TMEM181: variants seen among roughly 807,000 people sequenced by gnomAD.
TMEM181 encodes G protein-coupled receptor 178.
TMEM181 carries 39 observed loss-of-function variants against 71.9 expected under a neutral mutation model. That is an observed-to-expected ratio of 0.54 (90% confidence interval 0.42 to 0.71). The LOEUF (loss-of-function observed/expected upper bound fraction) is 0.71. Ranked by LOEUF, TMEM181 falls within the 30% of genes least tolerant of loss-of-function variation. The probability of loss-of-function intolerance (pLI) is 0.00; values close to 1 mark genes in which losing one functional copy is unlikely to be tolerated. For missense variants in TMEM181, 595 were observed against 583.0 expected (o/e 1.02, Z -0.21); for synonymous variants, 245 against 228.8 (o/e 1.07, Z -0.64).
upstream of TMEM181, among the ~76,000 whole-genome samples, chr6:158,558,106 C>T (rs186243724): frequency 3.9e-5 from 6 of 152,204 alleles, no homozygotes; most frequent in African/African-American, 1.4e-4. Flanking sequence ...GAAGGAATTG[C>T]CAGGAGGTAG....
At chr6:158,582,191 C>G (rs189267083) in intron 3 of TMEM181, among the ~76,000 whole-genome samples, 1 of 152,300 alleles carries the variant, frequency 6.6e-6, no homozygotes, top group East Asian at 1.9e-4. Flanking sequence ...GCGTGATGAT[C>G]TGATTTGAGG....
chr6:158,594,255 T>C (rs1018524043), intron 6 of TMEM181, among the ~76,000 whole-genome samples: 10 of 151,944 alleles, frequency 6.6e-5, no homozygotes, highest in Non-Finnish European at 1.3e-4. Flanking sequence ...CGCACCACTA[T>C]GCGTGGCTAA....
Position 158,630,976 on chromosome 6 carries a change from C to T in TMEM181, c.1283-347C>T, listed in dbSNP as rs376962823. 1.1e-4 allele frequency among the ~76,000 whole-genome samples: 17 copies of T among 152,314 alleles called. No homozygotes were observed. In the South Asian group the frequency reaches 1.2e-3, roughly 11 times the overall value. ...GCTCGCTGCACGTCCAAGGACTGGG[C>T]GGGGGCAGGCAGGGCAGAGCCACCT... On this transcript the variant is annotated intron_variant, in intron 15 of 16. Transcript: ENST00000684151.
chr6:158,615,824 G>A (rs894273611), intron 10 of TMEM181, among the ~76,000 whole-genome samples: 4 of 152,184 alleles, frequency 2.6e-5, no homozygotes, highest in Non-Finnish European at 4.4e-5. Context: ...TGAGGGCTCT[G>A]TTCTGTTCCC....
chr6:158,555,536 T>C (rs571243070), upstream of TMEM181, among the ~76,000 whole-genome samples: 221 of 152,372 alleles, frequency 1.5e-3, 1 homozygote, highest in Non-Finnish European at 2.6e-3. Flanking sequence ...ATAGAGAATT[T>C]AGAAGACTCT....
intron 6 of TMEM181, among the ~76,000 whole-genome samples, chr6:158,594,645 T>A (rs1282003294): frequency 6.6e-6 from 1 of 152,222 alleles, no homozygotes; most frequent in Non-Finnish European, 1.5e-5. Context: ...ACTATAAACA[T>A]CTGTATACAA....
intron 3 of TMEM181, among the ~76,000 whole-genome samples, chr6:158,583,542 C>CT (rs1301722232): frequency 6.6e-6 from 1 of 152,092 alleles, no homozygotes; most frequent in Non-Finnish European, 1.5e-5. Flanking sequence ...TGGCTAATGC[C>CT]TGTAACCTAG....
chr6:158,592,876 CCACTGCA>C lies in TMEM181; in HGVS notation c.492+3099_492+3105del, dbSNP rs1404827059. Among the ~76,000 whole-genome samples the C allele has an allele frequency of 4.6e-5, 7 of 152,188 alleles. No homozygotes were observed. The East Asian group carries it at 1.2e-3, about 25-fold the overall frequency. ...GAGGCTGCAATGAGCTGTAATCACACCACTGCACACTCCAGCCTGGGTGACAGAGTGA... is the reference window on the plus strand; with the variant it reads ...GAGGCTGCAATGAGCTGTAATCACACCACTCCAGCCTGGGTGACAGAGTGA... On this transcript the variant is annotated intron_variant, in intron 6 of 16. Transcript: ENST00000684151.
intron 6 of TMEM181, among the ~76,000 whole-genome samples, chr6:158,593,738 T>C (rs1005764019): frequency 3.3e-5 from 5 of 152,338 alleles, no homozygotes; most frequent in Admixed American, 1.3e-4. Flanking sequence ...TTCTTTTTTT[T>C]CCCACATTAT....
At chr6:158,566,053 G>A (rs1402232006) in intron 1 of TMEM181, among the ~76,000 whole-genome samples, 1 of 152,162 alleles carries the variant, frequency 6.6e-6, no homozygotes, top group Non-Finnish European at 1.5e-5. Context: ...GGAGAACTTT[G>A]GATTTAGTAG....
Position 158,623,574 on chromosome 6 carries a change from G to T in TMEM181, c.921G>T (p.Met307Ile). 1 of 1,583,618 alleles carries T rather than the reference G, an allele frequency of 6.3e-7. No individual in the cohort carries two copies. Among genetic ancestry groups the T allele is most frequent in the Non-Finnish European group, 8.6e-7 (1 of 1,162,258 alleles). Residue 307 changes from methionine to isoleucine, a missense_variant, in exon 11 of 17, where the codon ATG (methionine) becomes ATT (isoleucine). Transcript: ENST00000684151. ...GAGTTAACGAATTACATGATCCAATGTACCAGTATCGAGTTGATACCGGAA... is the reference window on the plus strand; with the variant it reads ...GAGTTAACGAATTACATGATCCAATTTACCAGTATCGAGTTGATACCGGAA... ...WQTVNELHDP[M>I]YQYRVDTGNF...
At chr6:158,560,021 C>T (rs1782061851), upstream of TMEM181, 2 of 983,974 alleles carry the variant, frequency 2.0e-6, no homozygotes, top group Non-Finnish European at 2.4e-6. Context: ...GGCCCCGCTT[C>T]CACCGCGCCG....
intron 16 of TMEM181, 67 bp from the exon 17 acceptor site, chr6:158,631,743 C>A: frequency 6.8e-7 from 1 of 1,467,834 alleles, no homozygotes; most frequent in South Asian, 1.2e-5. Flanking sequence ...AATGGTGTGT[C>A]AGTGTGGAAG....
chr6:158,592,591 G>C (rs1191821757), intron 6 of TMEM181, among the ~76,000 whole-genome samples: 1 of 151,918 alleles, frequency 6.6e-6, no homozygotes, highest in Admixed American at 6.6e-5. Context: ...TCCTGCCTTA[G>C]CCTCCCTAGT....
chr6:158,600,314 C>A (rs1784598385), intron 6 of TMEM181, among the ~76,000 whole-genome samples: 1 of 151,852 alleles, frequency 6.6e-6, no homozygotes, highest in Non-Finnish European at 1.5e-5. Flanking sequence ...ACATGCGCCA[C>A]CACGTCTCTG....
intron 10 of TMEM181, chr6:158,611,225 T>G (rs560742441): frequency 1.8e-5 from 9 of 501,744 alleles, no homozygotes; most frequent in Non-Finnish European, 3.7e-5. Context: ...ACTATCCTTC[T>G]CAGCAGGGGT....
At chr6:158,548,937 G>A (rs1205498704) in intron 1 of TMEM181, among the ~76,000 whole-genome samples, 1 of 152,234 alleles carries the variant, frequency 6.6e-6, no homozygotes, top group African/African-American at 2.4e-5. Flanking sequence ...TTCCTGGTCA[G>A]TACCCGGGGC....
intron 13 of TMEM181, 27 bp from the exon 14 acceptor site, chr6:158,628,381 T>C (rs967504073): frequency 6.2e-7 from 1 of 1,611,926 alleles, no homozygotes; most frequent in African/African-American, 1.3e-5. Context: ...TGTTTACATA[T>C]TGTCTCTGCT....
intron 6 of TMEM181, among the ~76,000 whole-genome samples, chr6:158,596,967 C>T (rs1188237195): frequency 2.0e-5 from 3 of 152,272 alleles, no homozygotes; most frequent in East Asian, 1.9e-4. Context: ...ACAGCTAAAC[C>T]GTATCACTTC....
Sources: allele counts gnomAD v4.1 joint callset (sites outside exome capture counted in the v4.1 genomes callset), GRCh38; gene constraint gnomAD v4.1.1; transcripts MANE v1.5; gene names NCBI Gene and HGNC (gene_info 2026-07-23, HGNC 2026-07-21).